Variants in TMEM52B observed in about 807,000 individuals in gnomAD.
TMEM52B encodes the protein transmembrane protein 52B.
In TMEM52B, 11 loss-of-function variants were observed where a neutral mutation model predicts 16.1. That is an observed-to-expected ratio of 0.68 (90% CI 0.43 to 1.13). The LOEUF is 1.13. Among genes scored for constraint, TMEM52B ranks in the 50% most tolerant of loss-of-function variants. The pLI, the probability that TMEM52B is intolerant of heterozygous loss-of-function variation, is 0.00. For synonymous variants in TMEM52B, 101 were observed against 93.8 expected, an observed-to-expected ratio of 1.08 and a Z score of -0.45; for missense variants, 243 against 230.4, an observed-to-expected ratio of 1.05 and a Z score of -0.35.
intron 2 of TMEM52B, among the ~76,000 whole-genome samples, chr12:10,184,425 A>T (rs958525465): frequency 1.3e-5 from 2 of 152,068 alleles, no homozygotes; most frequent in African/African-American, 2.4e-5. Context: ...TTGGCATCAG[A>T]ATTCTGGGGA....
At chr12:10,182,819 C>T (rs538547254) in intron 2 of TMEM52B, among the ~76,000 whole-genome samples, 19 of 152,294 alleles carry the variant, frequency 1.2e-4, no homozygotes, top group Non-Finnish European at 2.6e-4. Context: ...CCAATCTTCC[C>T]ATCAAAGCAG....
intron 1 of TMEM52B, 43 bp downstream of exon 1, chr12:10,179,671 G>A (rs1211809796): frequency 6.2e-7 from 1 of 1,610,926 alleles, no homozygotes. Flanking sequence ...TTTTTCCCCA[G>A]ATTAATCAAC....
At chr12:10,186,378 G>A in intron 3 of TMEM52B, 42 bp from the exon 4 acceptor site, 1 of 1,533,862 alleles carries the variant, frequency 6.5e-7, no homozygotes, top group South Asian at 1.3e-5. Flanking sequence ...TGGGAAAAAA[G>A]CCAGATCCCA....
chr12:10,182,190 A>C (rs1297785774), intron 1 of TMEM52B: 1 of 985,214 alleles, frequency 1.0e-6, no homozygotes, highest in Non-Finnish European at 1.2e-6. Context: ...GCAGTGGTGT[A>C]GAATTCAACT....
intron 1 of TMEM52B, among the ~76,000 whole-genome samples, chr12:10,181,276 A>T (rs531384697): frequency 6.6e-5 from 10 of 152,106 alleles, no homozygotes; most frequent in Non-Finnish European, 1.5e-4. Flanking sequence ...CATCCAACAC[A>T]TATCTATGAT....
chr12:10,187,194 T>C (rs371779787), intron 4 of TMEM52B, among the ~76,000 whole-genome samples: 2 of 129,564 alleles, frequency 1.5e-5, no homozygotes, highest in East Asian at 5.3e-4. Flanking sequence ...ACCTCCGCCT[T>C]CCGGGTTCAA....
chr12:10,181,029 A>T (rs1948816450), intron 1 of TMEM52B, among the ~76,000 whole-genome samples: 1 of 151,796 alleles, frequency 6.6e-6, no homozygotes, highest in Middle Eastern at 3.2e-3. Context: ...CTGATCTCGA[A>T]CTCCTGACCT....
chr12:10,185,589 A>G (rs1477825366), intron 3 of TMEM52B, among the ~76,000 whole-genome samples: 1 of 152,182 alleles, frequency 6.6e-6, no homozygotes, highest in Non-Finnish European at 1.5e-5. Context: ...AAATATCTCA[A>G]CGAAGATTAC....
rs1351055156 is a variant in TMEM52B, at chr12:10,190,186, CTG to C, written c.*49_*50del. The C allele has an allele frequency of 2.5e-6, 4 of 1,607,314 alleles. No individual in the cohort carries two copies. Among genetic ancestry groups the C allele is most frequent in the Non-Finnish European group, 3.4e-6 (4 of 1,176,162 alleles). ...ATAGGAGTGGAGTGATGTCCAGAGT[CTG>C]TGGGAAAATGGAACACATACTTTTC... On this transcript the variant is annotated 3_prime_UTR_variant, in exon 5 of 5. Transcript: ENST00000543484.
At chr12:10,187,896 C>T (rs111861598) in intron 4 of TMEM52B, among the ~76,000 whole-genome samples, 2,354 of 151,772 alleles carry the variant, frequency 0.016, 57 homozygotes, top group African/African-American at 0.054. Context: ...GTCAGGAGTT[C>T]GAGACCAAGC....
At chr12:10,187,098 G>GCTT (rs1948888639) in intron 4 of TMEM52B, among the ~76,000 whole-genome samples, 1 of 38,670 alleles carries the variant, frequency 2.6e-5, no homozygotes, top group African/African-American at 9.3e-5. Flanking sequence ...TTTCCATGAC[G>GCTT]GTTTTTTTTT....
At chr12:10,189,009 T>C (rs1263901322) in intron 4 of TMEM52B, among the ~76,000 whole-genome samples, 1 of 77,952 alleles carries the variant, frequency 1.3e-5, no homozygotes. Context: ...AGAGCGAGAC[T>C]CCGTCTCAAA....
chr12:10,178,436 T>A (rs926724637), upstream of TMEM52B, among the ~76,000 whole-genome samples: 3 of 146,908 alleles, frequency 2.0e-5, no homozygotes, highest in Non-Finnish European at 4.4e-5. Context: ...GGCAGGAGAA[T>A]GGCATGAACC....
chr12:10,182,621 A>T, intron 2 of TMEM52B, 28 bp downstream of exon 2: 1 of 1,530,208 alleles, frequency 6.5e-7, no homozygotes, highest in Middle Eastern at 1.7e-4. Context: ...GCTGGGAGGA[A>T]GGAGCAACAG....
intron 2 of TMEM52B, among the ~76,000 whole-genome samples, chr12:10,184,773 C>T (rs1948861684): frequency 1.3e-5 from 2 of 152,018 alleles, no homozygotes; most frequent in African/African-American, 4.8e-5. Flanking sequence ...ATACACAAGC[C>T]TTAAGTTTCA....
intron 4 of TMEM52B, 60 bp from the exon 5 acceptor site, chr12:10,189,836 G>C: frequency 1.3e-6 from 2 of 1,585,028 alleles, no homozygotes; most frequent in Non-Finnish European, 1.7e-6. Context: ...GTAAGTCTCT[G>C]CTGTCTGAGG....
At chr12:10,176,825 C>T (rs1202162085), upstream of TMEM52B, among the ~76,000 whole-genome samples, 1 of 152,080 alleles carries the variant, frequency 6.6e-6, no homozygotes, top group Non-Finnish European at 1.5e-5. Context: ...CAATAGAGGT[C>T]TAATAACCTG....
intron 1 of TMEM52B, among the ~76,000 whole-genome samples, chr12:10,181,084 G>C (rs1948817003): frequency 6.6e-6 from 1 of 152,170 alleles, no homozygotes; most frequent in South Asian, 2.1e-4. Flanking sequence ...TGGGATTGCA[G>C]GTGTGAGCCA....
chr12:10,190,301 T>G lies in TMEM52B; in HGVS notation c.*161T>G. 1 of 920,114 alleles carries G rather than the reference T, an allele frequency of 1.1e-6. No individual in the cohort carries two copies. Among genetic ancestry groups the G allele is most frequent in the Non-Finnish European group, 1.6e-6 (1 of 627,332 alleles). 57.0% of individuals were successfully genotyped at this position (920,114 alleles called of 1,614,324 possible). A position where few individuals can be genotyped will look rare whatever the true frequency, so the allele number is the denominator to read the frequency against. ...CTCTTCGTTCACAGGCCTTTATATC[T>G]TCCGATACAGAATGCTCTAATTGGG... is the stretch of plus-strand genomic sequence containing the variant. On this transcript the variant is annotated 3_prime_UTR_variant, in exon 5 of 5. Transcript: ENST00000543484.
Sources: allele counts gnomAD v4.1 joint callset (sites outside exome capture counted in the v4.1 genomes callset), GRCh38; gene constraint gnomAD v4.1.1; transcripts MANE v1.5; gene names NCBI Gene and HGNC (gene_info 2026-07-23, HGNC 2026-07-21).